Variants in ASTN2 observed in about 807,000 individuals in gnomAD.
ASTN2 encodes astrotactin-2.
A neutral mutation model predicts 139.8 loss-of-function variants in ASTN2; 54 were observed. That is an observed-to-expected ratio of 0.39 (90% CI 0.31 to 0.48). The LOEUF is 0.48. Ranked by LOEUF, ASTN2 falls within the 20% of genes least tolerant of loss-of-function variation. ASTN2 has a pLI of 0.95. For synonymous variants in ASTN2, 756 were observed against 719.5 expected (o/e 1.05, Z -0.81); for missense variants, 1,565 against 1,725.1 (o/e 0.91, Z 1.64).
intron 17 of ASTN2, among the ~76,000 whole-genome samples, chr9:116,640,024 C>G (rs962886564): frequency 6.6e-6 from 1 of 151,812 alleles, no homozygotes; most frequent in African/African-American, 2.4e-5. Flanking sequence ...TGGTGTAGTA[C>G]CTGGTTTCAT....
chr9:116,760,436 T>C (rs1829645823), intron 13 of ASTN2, among the ~76,000 whole-genome samples: 1 of 152,204 alleles, frequency 6.6e-6, no homozygotes, highest in Non-Finnish European at 1.5e-5. Flanking sequence ...GAACTGATCA[T>C]TTTACAAACA....
intron 13 of ASTN2, among the ~76,000 whole-genome samples, chr9:116,791,008 AAAGAAAGAAAGAAAG>A (rs1275971675): frequency 1.6e-5 from 2 of 126,070 alleles, no homozygotes; most frequent in African/African-American, 5.8e-5. Context: ...AGAAAGAAAG[AAAGAAAGAAAGAAAG>A]AAAGAAAGAA....
At chr9:116,715,276 A>G (rs1169734203) in intron 16 of ASTN2, among the ~76,000 whole-genome samples, 1 of 152,140 alleles carries the variant, frequency 6.6e-6, no homozygotes, top group Non-Finnish European at 1.5e-5. Context: ...GTCTCTAACT[A>G]CTTGGGAGAC....
chr9:117,211,833 G>T (rs1832141475), intron 3 of ASTN2, among the ~76,000 whole-genome samples: 1 of 151,886 alleles, frequency 6.6e-6, no homozygotes, highest in Non-Finnish European at 1.5e-5. Flanking sequence ...AAAATACATA[G>T]AAATCAATGT....
At chr9:117,026,681 AACCTCAGATTC>A (rs141927736) in intron 6 of ASTN2, among the ~76,000 whole-genome samples, 7,093 of 152,248 alleles carry the variant, frequency 0.047, 485 homozygotes, top group African/African-American at 0.15. Flanking sequence ...CAGCTTAGGC[AACCTCAGATTC>A]ACCTTTCACA....
At chr9:116,646,305 G>C (rs892040891) in intron 17 of ASTN2, among the ~76,000 whole-genome samples, 3 of 151,858 alleles carry the variant, frequency 2.0e-5, no homozygotes, top group Non-Finnish European at 4.4e-5. Flanking sequence ...GTCCCAGAAA[G>C]AGAAAAGAAC....
At chr9:117,393,285 G>A (rs1321875341) in intron 1 of ASTN2, among the ~76,000 whole-genome samples, 1 of 152,190 alleles carries the variant, frequency 6.6e-6, no homozygotes, top group Non-Finnish European at 1.5e-5. Flanking sequence ...GGAAAGACTT[G>A]TGCTCAGAGA....
chr9:116,504,062 T>C (rs1381352678), intron 19 of ASTN2, among the ~76,000 whole-genome samples: 1 of 152,136 alleles, frequency 6.6e-6, no homozygotes, highest in African/African-American at 2.4e-5. Context: ...AGGGCTTCAT[T>C]GTACAGACAG....
At chr9:116,660,142 G>A (rs921739101) in intron 16 of ASTN2, among the ~76,000 whole-genome samples, 1 of 149,834 alleles carries the variant, frequency 6.7e-6, no homozygotes, top group African/African-American at 2.5e-5. Context: ...ATGTTGTGAT[G>A]TATGTGTTGT....
intron 10 of ASTN2, among the ~76,000 whole-genome samples, chr9:116,929,693 C>T (rs1467992792): frequency 1.3e-5 from 2 of 152,174 alleles, no homozygotes; most frequent in African/African-American, 2.4e-5. Flanking sequence ...AACTGATAGA[C>T]AGCTGCTAAA....
At chr9:117,314,510 C>G (rs182739301) in intron 1 of ASTN2, among the ~76,000 whole-genome samples, 3 of 151,032 alleles carry the variant, frequency 2.0e-5, no homozygotes, top group East Asian at 3.9e-4. Context: ...CAATATACCC[C>G]CTACCCAGAT....
At chr9:117,180,882 G>A (rs1448629755) in intron 3 of ASTN2, 2 of 1,582,902 alleles carry the variant, frequency 1.3e-6, no homozygotes, top group Admixed American at 3.3e-5. Flanking sequence ...ACTTGAACTT[G>A]GCCCTGCGCA....
chr9:116,710,798 C>A (rs1307067790), intron 16 of ASTN2, among the ~76,000 whole-genome samples: 3 of 147,398 alleles, frequency 2.0e-5, no homozygotes, highest in Admixed American at 2.0e-4. Context: ...TTCTGAGCAA[C>A]CACATGAATA....
At chr9:117,061,143 A>T (rs1362684310) in intron 5 of ASTN2, among the ~76,000 whole-genome samples, 2 of 104,466 alleles carry the variant, frequency 1.9e-5, no homozygotes, top group Non-Finnish European at 3.9e-5. Flanking sequence ...CCAGTCTTTT[A>T]TTTATTTATT....
At chr9:117,282,437 C>G (rs1398770024) in intron 2 of ASTN2, among the ~76,000 whole-genome samples, 4 of 152,200 alleles carry the variant, frequency 2.6e-5, no homozygotes, top group African/African-American at 9.6e-5. Flanking sequence ...TCCATCTGGG[C>G]TTTATCATTG....
rs1442422300 is a variant in ASTN2 at position 116,686,852 on chromosome 9, G to A, written c.2807-35059C>T. 3 of 1,549,186 alleles carry A rather than the reference G, an allele frequency of 1.9e-6. No individual in the cohort carries two copies. The East Asian group carries it at 7.3e-5, about 38-fold the overall frequency. ...AGCTCTCTGTCAGAGCACAGAACAT[G>A]AGGCCAAAGCACTGCCCTTCCTAGG... On this transcript the variant is annotated intron_variant, in intron 16 of 22. Transcript: ENST00000313400.
At chr9:116,867,700 A>G (rs577211991) in intron 10 of ASTN2, among the ~76,000 whole-genome samples, 87 of 152,310 alleles carry the variant, frequency 5.7e-4, no homozygotes, top group African/African-American at 1.9e-3. Context: ...AGCTATAAAA[A>G]TACAAAAGCT....
At chr9:117,263,540 C>A (rs757407209) in intron 2 of ASTN2, among the ~76,000 whole-genome samples, 3 of 152,154 alleles carry the variant, frequency 2.0e-5, no homozygotes, top group African/African-American at 7.2e-5. Context: ...AATTGGCTAT[C>A]GTATAGCTTC....
intron 2 of ASTN2, among the ~76,000 whole-genome samples, chr9:117,237,646 A>C (rs1354359265): frequency 6.6e-6 from 1 of 151,928 alleles, no homozygotes; most frequent in Non-Finnish European, 1.5e-5. Context: ...CGCCCCGCTA[A>C]TTTTTTCTAT....
Sources: allele counts gnomAD v4.1 joint callset (sites outside exome capture counted in the v4.1 genomes callset), GRCh38; gene constraint gnomAD v4.1.1; transcripts MANE v1.5; gene names NCBI Gene and HGNC (gene_info 2026-07-23, HGNC 2026-07-21).